BAG6: variants seen among roughly 807,000 people sequenced by gnomAD.
BAG6 encodes large proline-rich protein BAG6.
A neutral mutation model predicts 121.0 loss-of-function variants in BAG6; 22 were observed. That is an observed-to-expected ratio of 0.18 (90% CI 0.13 to 0.26). BAG6 has a LOEUF of 0.26. BAG6 is among the 10% of genes least tolerant of loss of function. BAG6 has a pLI of 1.00. For synonymous variants in BAG6, 583 were observed against 584.6 expected, an observed-to-expected ratio of 1.00 and a Z score of 0.04; for missense variants, 1,233 against 1,537.7, an observed-to-expected ratio of 0.80 and a Z score of 3.31.
At chr6:31,639,352 G>T in intron 25 of BAG6, 126 bp from the exon 26 acceptor site, 1 of 1,443,930 alleles carries the variant, frequency 6.9e-7, no homozygotes, top group Non-Finnish European at 9.5e-7. Context: ...ATAGCCCGGG[G>T]TGGCACTGTC....
intron 2 of BAG6, among the ~76,000 whole-genome samples, chr6:31,650,825 T>A (rs1442829060): frequency 1.3e-5 from 2 of 152,180 alleles, no homozygotes; most frequent in Admixed American, 1.3e-4. Flanking sequence ...CCACCCCACA[T>A]GCAATTTGTC....
intron 1 of BAG6, 130 bp from the exon 2 acceptor site, chr6:31,651,906 C>CA (rs1797209278): frequency 5.0e-6 from 3 of 603,196 alleles, no homozygotes; most frequent in East Asian, 5.5e-5. Flanking sequence ...TCACACCTGT[C>CA]CCCATCCCCC....
chr6:31,647,448 G>A (rs1026499471), intron 7 of BAG6, 143 bp downstream of exon 7: 1 of 1,234,776 alleles, frequency 8.1e-7, no homozygotes, highest in African/African-American at 1.6e-5. Context: ...CCTATACCGA[G>A]AGAGCCCCTC....
intron 2 of BAG6, 140 bp downstream of exon 2, chr6:31,651,516 A>C: frequency 4.2e-6 from 3 of 711,056 alleles, no homozygotes; most frequent in Non-Finnish European, 7.1e-6. Context: ...TCCAGCCTGG[A>C]AGACAGGGCG....
chr6:31,641,737 C>G lies in BAG6; in HGVS notation c.2505+39G>C. 1.2e-6 allele frequency: 2 copies of G among 1,611,866 alleles called. No individual in the cohort carries two copies. Among genetic ancestry groups the G allele is most frequent in the Non-Finnish European group, 1.7e-6 (2 of 1,178,668 alleles). On this transcript the variant is annotated intron_variant, in intron 17 of 25. Coordinates refer to ENST00000676615, the MANE Select transcript of BAG6 (RefSeq NM_001387994.1). This position sits in a 1 kb window ranked among gnomAD's most constrained non-coding sequence, Gnocchi z 5.7. ...AGTCAGAAATAAGGAATAAAATGTG[C>G]AAAAGAGGAGAGTTCTGGGGCCCCT...
In BAG6 at chr6:31,644,925, C is replaced by G. The variant is rs756954904; in HGVS notation, c.1369+21G>C. On this transcript the variant is annotated intron_variant, in intron 10 of 25. Coordinates refer to ENST00000676615, the MANE Select transcript of BAG6 (RefSeq NM_001387994.1). The surrounding 1 kb of genome is among the most constrained non-coding windows in gnomAD (Gnocchi z 4.9). Reference sequence around the variant, plus strand: ...CCCTCATCATGCTGATCCTGCTCTTCTCGCCAGCAACTATTCTCACCTTGA... The same window carrying G: ...CCCTCATCATGCTGATCCTGCTCTTGTCGCCAGCAACTATTCTCACCTTGA... 1 of 1,553,380 alleles carries G rather than the reference C, an allele frequency of 6.4e-7. No homozygotes were observed. The highest frequency in any genetic ancestry group is 1.9e-5 in the Admixed American group (1 of 53,904).
chr6:31,639,586 C>T lies in BAG6; in HGVS notation c.3307G>A (p.Ala1103Thr), dbSNP rs774730487. ...LSEAVSRAAK[A>T]AGARPLTSPE... ...CTCGTCAGGGGCCGAGCTCCGGCTG[C>T]CTTAGCTGCCCGGCTCACAGCCTCT... is the stretch of plus-strand genomic sequence containing the variant. The change falls in exon 25 of 26, where the codon GCA (alanine) becomes ACA (threonine). Residue 1103 changes from alanine to threonine, a missense_variant. Around this residue, in one of 7 missense-constraint regions of BAG6, gnomAD observed 102 missense variants for 103.2 expected, o/e 0.99. Coordinates refer to ENST00000676615, the MANE Select transcript of BAG6 (RefSeq NM_001387994.1). 35 of 1,613,936 alleles carry T rather than the reference C, an allele frequency of 2.2e-5. No homozygotes were observed. Among genetic ancestry groups the T allele is most frequent in the Non-Finnish European group, 2.9e-5 (34 of 1,179,962 alleles).
Position 31,640,957 on chromosome 6 carries a change from AT to A in BAG6, c.2788-20del. On this transcript the variant is annotated intron_variant, in intron 20 of 25. Coordinates refer to ENST00000676615, the MANE Select transcript of BAG6 (RefSeq NM_001387994.1). This position sits in a 1 kb window ranked among gnomAD's most constrained non-coding sequence, Gnocchi z 4.2. ...TACGACGCTGAGGGACAGAAAGCAGATTTAGAACACAAAACCCTCAACCACC... is the reference window on the plus strand; with the variant it reads ...TACGACGCTGAGGGACAGAAAGCAGATTAGAACACAAAACCCTCAACCACC... The A allele has an allele frequency of 6.2e-7, 1 of 1,609,314 alleles. No individual in the cohort carries two copies. The highest frequency in any genetic ancestry group is 8.5e-7 in the Non-Finnish European group (1 of 1,177,516).
intron 1 of BAG6, chr6:31,651,985 C>G: frequency 4.0e-6 from 2 of 505,230 alleles, no homozygotes; most frequent in Non-Finnish European, 7.2e-6. Context: ...AGCTGGAGGA[C>G]GAGAGGTGGG....
chr6:31,640,128 A>T lies in BAG6; in HGVS notation c.3246+71T>A. Reference sequence around the variant, plus strand: ...AATAACAAGAGCTCCCACCATCTCTACATAGTTTGATTCCAGGCATGACGG... The same window carrying T: ...AATAACAAGAGCTCCCACCATCTCTTCATAGTTTGATTCCAGGCATGACGG... On this transcript the variant is annotated intron_variant, in intron 24 of 25. Coordinates refer to ENST00000676615, the MANE Select transcript of BAG6 (RefSeq NM_001387994.1). The surrounding 1 kb of genome is among the most constrained non-coding windows in gnomAD (Gnocchi z 4.2). 1.4e-6 allele frequency: 2 copies of T among 1,473,206 alleles called. No homozygotes were observed. Among genetic ancestry groups the T allele is most frequent in the Non-Finnish European group, 1.9e-6 (2 of 1,056,410 alleles). The allele number at this position is 1,473,206 out of a possible 1,614,324, so 91.3% of individuals were successfully genotyped here.
Position 31,644,590 on chromosome 6 carries a change from T to C in BAG6, c.1382A>G (p.Gln461Arg). 6.2e-7 allele frequency: 1 copy of C among 1,612,686 alleles called. No individual in the cohort carries two copies. The highest frequency in any genetic ancestry group is 8.5e-7 in the Non-Finnish European group (1 of 1,179,892). ...MHMNIQDSGT[Q>R]PGGVPSAPTG... is the part of the protein sequence containing the mutation. ...GGGAGCACTCGGAACACCACCAGGC[T>C]GTGTGCCAGAATCTGGGCAGGGAGA... Residue 461 changes from glutamine to arginine, a missense_variant, in exon 11 of 26, where the codon CAG (glutamine) becomes CGG (arginine). Gln to Arg is a conservative substitution (Grantham distance 43, BLOSUM62 1). Transcript: ENST00000676615. The surrounding 1 kb of genome is among the most constrained non-coding windows in gnomAD (Gnocchi z 4.9).
intron 6 of BAG6, 84 bp from the exon 7 acceptor site, chr6:31,647,910 G>A: frequency 2.1e-6 from 3 of 1,436,756 alleles, no homozygotes; most frequent in South Asian, 1.6e-5. Flanking sequence ...AACAGAGAAA[G>A]TATCCTAACT....
rs1197957159 is a variant in BAG6, at chr6:31,644,823, T to C, written c.1369+123A>G. 1 of 1,468,614 alleles carries C rather than the reference T, an allele frequency of 6.8e-7. No homozygotes were observed. The highest frequency in any genetic ancestry group is 9.2e-7 in the Non-Finnish European group (1 of 1,086,684). 91.0% of individuals were successfully genotyped at this position (1,468,614 alleles called of 1,614,324 possible). Reference sequence around the variant, plus strand: ...CACATCTGTCTACTTAAGCTTCTGCTCTGGTCCCCAGGCTACCACCACCAG... The same window carrying C: ...CACATCTGTCTACTTAAGCTTCTGCCCTGGTCCCCAGGCTACCACCACCAG... On this transcript the variant is annotated intron_variant, in intron 10 of 25. Transcript: ENST00000676615. The surrounding 1 kb of genome is among the most constrained non-coding windows in gnomAD (Gnocchi z 4.9).
intron 2 of BAG6, among the ~76,000 whole-genome samples, chr6:31,649,973 C>T (rs1561960478): frequency 6.6e-6 from 1 of 151,810 alleles, no homozygotes; most frequent in Non-Finnish European, 1.5e-5. Context: ...GCATGGTGGT[C>T]GCCTGTAATC....
chr6:31,644,498 A>T lies in BAG6; in HGVS notation c.1447+27T>A. On this transcript the variant is annotated intron_variant, in intron 11 of 25. Transcript: ENST00000676615. This position sits in a 1 kb window ranked among gnomAD's most constrained non-coding sequence, Gnocchi z 4.9. Reference sequence around the variant, plus strand: ...CCTTCCCTTTCTCTACCCAGAGCTCAGCCTGCCCTGATGCCCTCACTCTTA... The same window carrying T: ...CCTTCCCTTTCTCTACCCAGAGCTCTGCCTGCCCTGATGCCCTCACTCTTA... 1 of 1,598,688 alleles carries T rather than the reference A, an allele frequency of 6.3e-7. No homozygotes were observed. Among genetic ancestry groups the T allele is most frequent in the Non-Finnish European group, 8.5e-7 (1 of 1,173,030 alleles).
chr6:31,645,704 C>T, intron 8 of BAG6, 100 bp from the exon 9 acceptor site: 1 of 1,413,566 alleles, frequency 7.1e-7, no homozygotes, highest in Non-Finnish European at 9.7e-7. Flanking sequence ...CCATGTCCTC[C>T]AAAACTTTCA....
At chr6:31,639,791 T>G in intron 24 of BAG6, 145 bp from the exon 25 acceptor site, 1 of 1,016,388 alleles carries the variant, frequency 9.8e-7, no homozygotes, top group East Asian at 2.7e-5. Flanking sequence ...GGATGTGGTT[T>G]TTACAGCAGA....
chr6:31,641,680 G>A lies in BAG6; in HGVS notation c.2506-88C>T. ...CCCCAACAAGTCCAGGGCTTGTGTG[G>A]GGGCAATTGGAGCTTTACCTGGCAG... is the stretch of plus-strand genomic sequence containing the variant. On this transcript the variant is annotated intron_variant, in intron 17 of 25. Coordinates refer to ENST00000676615, the MANE Select transcript of BAG6 (RefSeq NM_001387994.1). The surrounding 1 kb of genome is among the most constrained non-coding windows in gnomAD (Gnocchi z 5.7). The A allele has an allele frequency of 1.2e-6, 2 of 1,610,644 alleles. No individual in the cohort carries two copies. Among genetic ancestry groups the A allele is most frequent in the Non-Finnish European group, 1.7e-6 (2 of 1,176,892 alleles).
At position 31,644,558 on chromosome 6, in the gene BAG6, G is replaced by A; in HGVS notation, c.1414C>T (p.Pro472Ser). 1.9e-6 allele frequency: 3 copies of A among 1,612,408 alleles called. No individual in the cohort carries two copies. The highest frequency in any genetic ancestry group is 2.5e-6 in the Non-Finnish European group (3 of 1,179,748). ...PGGVPSAPTG[P>S]LGPPGHGQTL... is the part of the protein sequence containing the mutation. ...TGGCCATGACCAGGGGGTCCCAGGGGGCCAGTGGGAGCACTCGGAACACCA... is the reference window on the plus strand; with the variant it reads ...TGGCCATGACCAGGGGGTCCCAGGGAGCCAGTGGGAGCACTCGGAACACCA... The change falls in exon 11 of 26, where the codon CCC becomes TCC. Residue 472 changes from proline to serine, a missense_variant. By Grantham distance (74) the Pro-to-Ser change is moderately conservative. Around this residue, in one of 7 missense-constraint regions of BAG6, gnomAD observed 777 missense variants for 861.4 expected, o/e 0.90. Coordinates refer to ENST00000676615, the MANE Select transcript of BAG6 (RefSeq NM_001387994.1). The surrounding 1 kb of genome is among the most constrained non-coding windows in gnomAD (Gnocchi z 4.9).
Sources: gnomAD v4.1 joint callset for allele counts (sites outside exome capture counted in the v4.1 genomes callset) on GRCh38, gnomAD v4.1.1 for gene constraint, gnomAD v4.1.1 regional missense constraint, Gnocchi (gnomAD v3.1) non-coding constraint, MANE v1.5 for transcripts, NCBI Gene and HGNC (gene_info 2026-07-23, HGNC 2026-07-21) for gene names.